Variants in MIA2 observed in about 807,000 individuals in gnomAD.
MIA2 encodes the protein melanoma inhibitory activity protein 2.
A neutral mutation model predicts 167.8 loss-of-function variants in MIA2; 127 were observed. The ratio of observed to expected loss-of-function variants is 0.76; its 90% confidence interval spans 0.66 to 0.88. The LOEUF (loss-of-function observed/expected upper bound fraction) is 0.88, where lower values mean the gene tolerates loss of function less well. Among genes scored for constraint, MIA2 ranks in the 40% least tolerant of loss-of-function variants. MIA2 has a pLI of 0.00. For synonymous variants in MIA2, 552 were observed against 541.9 expected (o/e 1.02, Z -0.26); for missense variants, 1,690 against 1,624.7 (o/e 1.04, Z -0.69).
chr14:39,265,806 T>C (rs1014586727), intron 6 of MIA2: 2 of 223,886 alleles, frequency 8.9e-6, no homozygotes, highest in Admixed American at 6.3e-5. Context: ...AGTTTGATTA[T>C]GCTTGTTTTG....
At chr14:39,347,880 G>A in intron 27 of MIA2, 109 bp downstream of exon 27, 3 of 1,064,562 alleles carry the variant, frequency 2.8e-6, no homozygotes, top group African/African-American at 1.8e-5. Context: ...GGAGTGCAGT[G>A]GCGCTATCTC....
At chr14:39,338,241 C>G (rs1215904522) in intron 25 of MIA2, among the ~76,000 whole-genome samples, 1 of 152,070 alleles carries the variant, frequency 6.6e-6, no homozygotes, top group South Asian at 2.1e-4. Context: ...CGAGTTGTAC[C>G]AATGTCAGTT....
intron 9 of MIA2, among the ~76,000 whole-genome samples, chr14:39,288,463 A>ATTTTTTTTTTTTTTTT (rs1371000878): frequency 1.0e-4 from 3 of 29,924 alleles, no homozygotes; most frequent in Non-Finnish European, 1.8e-4. Flanking sequence ...ATATATATAT[A>ATTTTTTTTTTTTTTTT]TATATATATA....
chr14:39,321,104 A>G (rs748692031), intron 24 of MIA2, 48 bp downstream of exon 24: 1 of 1,544,160 alleles, frequency 6.5e-7, no homozygotes, highest in African/African-American at 1.4e-5. Context: ...TCCTTACTTT[A>G]TATTTTCATC....
chr14:39,300,929 C>T (rs201403680), intron 14 of MIA2, among the ~76,000 whole-genome samples: 2 of 138,352 alleles, frequency 1.4e-5, no homozygotes, highest in Non-Finnish European at 3.1e-5. Flanking sequence ...TATATATATA[C>T]ACACACATAT....
chr14:39,294,203 T>TA (rs2061107246), intron 12 of MIA2, 132 bp downstream of exon 12: 2 of 577,486 alleles, frequency 3.5e-6, no homozygotes, highest in Non-Finnish European at 5.9e-6. Context: ...TTTTTTTTTT[T>TA]AACAATACCT....
chr14:39,248,233 C>G (rs533094727), intron 4 of MIA2, 92 bp downstream of exon 4: 3 of 1,028,604 alleles, frequency 2.9e-6, no homozygotes, highest in Non-Finnish European at 3.8e-6. Context: ...GTCCAGGAAT[C>G]CACGTTTTTC....
At chr14:39,257,625 C>A (rs2054881057) in intron 6 of MIA2, among the ~76,000 whole-genome samples, 1 of 152,120 alleles carries the variant, frequency 6.6e-6, no homozygotes, top group Non-Finnish European at 1.5e-5. Context: ...ATCCTGTTGT[C>A]ATGATGCTAG....
At chr14:39,295,518 C>T (rs185293160) in intron 13 of MIA2, among the ~76,000 whole-genome samples, 485 of 152,056 alleles carry the variant, frequency 3.2e-3, no homozygotes, top group Non-Finnish European at 5.1e-3. Context: ...TTATAATTAT[C>T]CAAATATTAC....
intron 9 of MIA2, among the ~76,000 whole-genome samples, 176 bp from the exon 10 acceptor site, chr14:39,290,843 C>G (rs926804861): frequency 6.6e-6 from 1 of 152,200 alleles, no homozygotes; most frequent in African/African-American, 2.4e-5. Flanking sequence ...GATGTGTTAG[C>G]TGCTCTGGCA....
chr14:39,256,256 A>G (rs1329643204), intron 6 of MIA2, among the ~76,000 whole-genome samples: 2 of 152,154 alleles, frequency 1.3e-5, no homozygotes, highest in Non-Finnish European at 2.9e-5. Context: ...AAATATTCTG[A>G]GAGTTCCTGC....
intron 6 of MIA2, chr14:39,253,407 T>C (rs2054663309): frequency 1.8e-6 from 1 of 560,024 alleles, no homozygotes. Context: ...GTGTTTGCTT[T>C]TTACTCCACC....
chr14:39,238,189 T>A (rs1199214525), intron 2 of MIA2, among the ~76,000 whole-genome samples: 1 of 150,604 alleles, frequency 6.6e-6, no homozygotes, highest in African/African-American at 2.4e-5. Context: ...TTTTTTTTTT[T>A]ATTGAGACAG....
intron 12 of MIA2, 53 bp downstream of exon 12, chr14:39,294,124 A>C: frequency 7.9e-7 from 1 of 1,261,476 alleles, no homozygotes; most frequent in Non-Finnish European, 1.1e-6. Flanking sequence ...ATTTTAGTTT[A>C]ATTTTTTAAA....
chr14:39,370,283 T>C (rs1036068332), intron 23 of MIA2: 4 of 161,800 alleles, frequency 2.5e-5, no homozygotes, highest in African/African-American at 9.6e-5. Context: ...CTCTGCTCAG[T>C]GAGGACCTGG....
At chr14:39,347,661 A>C (rs1325924902) in intron 26 of MIA2, 52 bp from the exon 27 acceptor site, 1 of 1,578,556 alleles carries the variant, frequency 6.3e-7, no homozygotes, top group Non-Finnish European at 8.7e-7. Context: ...GAGATACTCT[A>C]GGAATAAAGT....
chr14:39,274,804 G>GTT (rs1288912096), intron 6 of MIA2, among the ~76,000 whole-genome samples: 2 of 144,500 alleles, frequency 1.4e-5, no homozygotes, highest in Admixed American at 6.9e-5. Flanking sequence ...TTTTTTTAAA[G>GTT]TTTTTTTTTT....
chr14:39,241,274 C>A (rs1272972380), intron 3 of MIA2, among the ~76,000 whole-genome samples: 1 of 152,096 alleles, frequency 6.6e-6, no homozygotes, highest in Non-Finnish European at 1.5e-5. Flanking sequence ...AATTCAGATT[C>A]TGGGTTAAGC....
At chr14:39,330,379 C>G (rs1157939286) in intron 25 of MIA2, among the ~76,000 whole-genome samples, 1 of 152,034 alleles carries the variant, frequency 6.6e-6, no homozygotes, top group African/African-American at 2.4e-5. Flanking sequence ...ATTAGTCTGG[C>G]TAGTGGTCTA....
Sources: gnomAD v4.1 joint callset for allele counts (sites outside exome capture counted in the v4.1 genomes callset) on GRCh38, gnomAD v4.1.1 for gene constraint, MANE v1.5 for transcripts, NCBI Gene and HGNC (gene_info 2026-07-23, HGNC 2026-07-21) for gene names.